YIPF3: variants seen among roughly 807,000 people sequenced by gnomAD.
YIPF3 encodes Yip1 domain family member 3.
YIPF3 carries 18 observed loss-of-function variants against 40.3 expected under a neutral mutation model. That is an observed-to-expected ratio of 0.45 (90% CI 0.31 to 0.66). The LOEUF is 0.66. Among genes scored for constraint, YIPF3 ranks in the 30% least tolerant of loss-of-function variants. The pLI is 0.07. For missense variants in YIPF3, 406 were observed against 452.2 expected (o/e 0.90, Z 0.93); for synonymous variants, 190 against 179.6 (o/e 1.06, Z -0.46).
At chr6:43,515,821 A>G in intron 2 of YIPF3, 68 bp downstream of exon 2, 4 of 1,593,408 alleles carry the variant, frequency 2.5e-6, no homozygotes, top group Non-Finnish European at 3.4e-6. Flanking sequence ...CATCACCAAC[A>G]CCAATTCCAG....
At chr6:43,512,614 G>A (rs1293869958) in intron 7 of YIPF3, 51 bp from the exon 8 acceptor site, 4 of 1,571,270 alleles carry the variant, frequency 2.5e-6, no homozygotes, top group African/African-American at 1.4e-5. Context: ...AGTGAGGAGT[G>A]GGGACAAGAC....
rs1489465307 is a variant in YIPF3, at chr6:43,512,871, A to C, written c.670T>G (p.Tyr224Asp). ...TMLQMLALLGYGLFGHCIVLF... is the reference protein window; with the variant it reads ...TMLQMLALLGDGLFGHCIVLF... ...ACAATGCAATGCCCAAAGAGGCCAT[A>C]GCCCTGGGAAGGAGGATGGTGGAGA... The change falls in exon 7 of 9, where the codon TAT (tyrosine) becomes GAT (aspartate). Residue 224 changes from tyrosine to aspartate, a missense_variant. Coordinates refer to ENST00000372422, the MANE Select transcript of YIPF3 (RefSeq NM_015388.4). 1.2e-6 allele frequency: 2 copies of C among 1,613,246 alleles called. No individual in the cohort carries two copies. Among genetic ancestry groups the C allele is most frequent in the African/African-American group, 2.7e-5 (2 of 74,910 alleles).
In YIPF3 at chr6:43,516,742, G is replaced by C. The variant is rs187374066; in HGVS notation, c.66C>G (p.Phe22Leu). The change falls in exon 1 of 9, where the codon TTC (phenylalanine) becomes TTG (leucine). Residue 22 changes from phenylalanine to leucine, a missense_variant. Physicochemically the swap from Phe to Leu is conservative, Grantham distance 22. Coordinates refer to ENST00000372422, the MANE Select transcript of YIPF3 (RefSeq NM_015388.4). ...RNGAGPEWGG[F>L]EENIQGGGSA... ...GGGCCATTACCTGGATGTTTTCTTC[G>C]AACCCTCCCCATTCCGGGCCAGCTC... 1.9e-6 allele frequency: 3 copies of C among 1,611,678 alleles called. No homozygotes were observed. The East Asian group carries it at 6.7e-5, about 36-fold the overall frequency.
At chr6:43,515,384 G>A in intron 3 of YIPF3, 2 of 661,080 alleles carry the variant, frequency 3.0e-6, no homozygotes, top group South Asian at 1.5e-5. Flanking sequence ...TCTGAGGTAG[G>A]TTTTGAGGGA....
At chr6:43,514,942 A>G (rs1792743418) in intron 3 of YIPF3, among the ~76,000 whole-genome samples, 1 of 152,132 alleles carries the variant, frequency 6.6e-6, no homozygotes, top group Non-Finnish European at 1.5e-5. Context: ...TTCCAGGAAT[A>G]AGAAAGGATA....
rs1164826034 is a variant in YIPF3, at chr6:43,516,709, G to A, written c.81+18C>T. On this transcript the variant is annotated intron_variant, in intron 1 of 8. Transcript: ENST00000372422. ...CCGGCCCTCCGGCTGCTGGCAGCTG[G>A]TGCCTTGGGGCCATTACCTGGATGT... 6.2e-7 allele frequency: 1 copy of A among 1,612,058 alleles called. No individual in the cohort carries two copies. The highest frequency in any genetic ancestry group is 8.5e-7 in the Non-Finnish European group (1 of 1,179,812).
At chr6:43,515,401 G>A in intron 3 of YIPF3, 194 bp downstream of exon 3, 1 of 682,556 alleles carries the variant, frequency 1.5e-6, no homozygotes, top group Non-Finnish European at 2.7e-6. Flanking sequence ...GGGAAGATGA[G>A]TAGTCAGTTA....
At chr6:43,515,491 T>C in intron 3 of YIPF3, 104 bp downstream of exon 3, 1 of 1,103,932 alleles carries the variant, frequency 9.1e-7, no homozygotes, top group Non-Finnish European at 1.4e-6. Context: ...GATGGGGTCA[T>C]GAAGACGGGG....
Position 43,515,955 on chromosome 6 carries a change from C to T in YIPF3, c.222G>A (p.Glu74=), listed in dbSNP as rs769138672. The T allele has an allele frequency of 1.1e-5, 18 of 1,613,846 alleles. No individual in the cohort carries two copies. The highest frequency in any genetic ancestry group is 1.4e-5 in the Non-Finnish European group (17 of 1,179,910). ...TCATGCCCAGGAACTCTCCATCCTCCTCTTCAGCAGCAGCTGCATCAGCTG... is the reference window on the plus strand; with the variant it reads ...TCATGCCCAGGAACTCTCCATCCTCTTCTTCAGCAGCAGCTGCATCAGCTG... ...ADAADAAAAE[E]EDGEFLGMKG... Residue 74 remains glutamate (E), a synonymous_variant, in exon 2 of 9, where the codon GAG becomes GAA. Transcript: ENST00000372422.
rs755564813 is a variant in YIPF3, at chr6:43,513,061, C to A, written c.666+8G>T. On this transcript the variant is annotated splice_region_variant and intron_variant, in intron 6 of 8. Coordinates refer to ENST00000372422, the MANE Select transcript of YIPF3 (RefSeq NM_015388.4). The stretch of plus-strand genomic sequence containing the variant: ...CATCACTCTTGCCCACCACACCTGG[C>A]TCCTTACCAGCAGTGCCAACATCTG... 6.2e-7 allele frequency: 1 copy of A among 1,613,894 alleles called. No individual in the cohort carries two copies. The highest frequency in any genetic ancestry group is 8.5e-7 in the Non-Finnish European group (1 of 1,179,988).
rs1792840332 is a variant in YIPF3, at chr6:43,516,568, G to T, written c.81+159C>A. Reference sequence around the variant, plus strand: ...CTGGAGTAGTAGTCTGGCCCTTTCAGGTCAATGTTAATCCCACTGACTTTA... The same window carrying T: ...CTGGAGTAGTAGTCTGGCCCTTTCATGTCAATGTTAATCCCACTGACTTTA... On this transcript the variant is annotated intron_variant, in intron 1 of 8. Coordinates refer to ENST00000372422, the MANE Select transcript of YIPF3 (RefSeq NM_015388.4). 29 of 854,150 alleles carry T rather than the reference G, an allele frequency of 3.4e-5. 1 individual carries two copies. In the South Asian group the frequency reaches 5.1e-4, roughly 15 times the overall value. The allele number at this position is 854,150 out of a possible 1,614,324, so 52.9% of individuals were successfully genotyped here. A position where few individuals can be genotyped will look rare whatever the true frequency, so the allele number is the denominator to read the frequency against.
At chr6:43,515,857 T>A (rs1446563108) in intron 2 of YIPF3, 32 bp downstream of exon 2, 1 of 1,583,780 alleles carries the variant, frequency 6.3e-7, no homozygotes, top group Non-Finnish European at 8.6e-7. Flanking sequence ...TAGGTCTACT[T>A]TTCTACCTGC....
chr6:43,516,911 G>T lies in YIPF3; in HGVS notation c.-104C>A. On this transcript the variant is annotated 5_prime_UTR_variant, in exon 1 of 9. Coordinates refer to ENST00000372422, the MANE Select transcript of YIPF3 (RefSeq NM_015388.4). ...AGACGTCCAGGGTCGAGGAGAGGTG[G>T]GATCGGCCGGAACACAAAAAGGAGA... 1 of 1,339,714 alleles carries T rather than the reference G, an allele frequency of 7.5e-7. No homozygotes were observed. The highest frequency in any genetic ancestry group is 1.0e-6 in the Non-Finnish European group (1 of 957,634). The allele number at this position is 1,339,714 out of a possible 1,614,324, so 83.0% of individuals were successfully genotyped here. A position where few individuals can be genotyped will look rare whatever the true frequency, so the allele number is the denominator to read the frequency against.
Position 43,511,950 on chromosome 6 carries a change from TCTG to T in YIPF3, c.*214_*216del, listed in dbSNP as rs748800143. On this transcript the variant is annotated 3_prime_UTR_variant, in exon 9 of 9. Transcript: ENST00000372422. ...GGTTCTCAAAGGAGCTGACCCATTT[TCTG>T]CATTGGCTGCAGAGCCTTGCAGTCC... 1 of 652,826 alleles carries T rather than the reference TCTG, an allele frequency of 1.5e-6. No homozygotes were observed. The highest frequency in any genetic ancestry group is 2.5e-6 in the Non-Finnish European group (1 of 403,284). The allele number at this position is 652,826 out of a possible 1,614,324, so 40.4% of individuals were successfully genotyped here. A position where few individuals can be genotyped will look rare whatever the true frequency, so the allele number is the denominator to read the frequency against.
chr6:43,516,365 C>G, intron 1 of YIPF3: 1 of 745,606 alleles, frequency 1.3e-6, no homozygotes, highest in East Asian at 2.8e-5. Flanking sequence ...TGAAAAAGTG[C>G]CCATTTCCTT....
At chr6:43,515,784 G>A (rs1233521273) in intron 2 of YIPF3, 83 bp from the exon 3 acceptor site, 12 of 1,600,580 alleles carry the variant, frequency 7.5e-6, no homozygotes, top group Non-Finnish European at 1.0e-5. Flanking sequence ...ATTTCTACAT[G>A]GTTCTAACTG....
At position 43,512,086 on chromosome 6, in the gene YIPF3, T is replaced by C. The variant is rs1028662698; in HGVS notation, c.*81A>G. On this transcript the variant is annotated 3_prime_UTR_variant, in exon 9 of 9. Transcript: ENST00000372422. ...AGCTGCAAACCCCATCTACGAAACA[T>C]GTCATCAGGACTGTCCTTTAATAGT... is the stretch of plus-strand genomic sequence containing the variant. 32 of 1,575,858 alleles carry C rather than the reference T, an allele frequency of 2.0e-5. 1 individual carries two copies. In the East Asian group the frequency reaches 3.4e-4, roughly 17 times the overall value.
At position 43,516,759 on chromosome 6, in the gene YIPF3, G is replaced by A. The variant is rs1792849864; in HGVS notation, c.49C>T (p.Pro17Ser). 1.2e-6 allele frequency: 2 copies of A among 1,601,804 alleles called. No homozygotes were observed. The highest frequency in any genetic ancestry group is 1.7e-6 in the Non-Finnish European group (2 of 1,174,750). The stretch of plus-strand genomic sequence containing the variant: ...TTTTCTTCGAACCCTCCCCATTCCG[G>A]GCCAGCTCCATTTCGGGCGCCGCCC... The part of the protein sequence containing the change: ...PAGGARNGAG[P>S]EWGGFEENIQ... The change falls in exon 1 of 9, where the codon CCG (proline) becomes TCG (serine). Residue 17 changes from proline to serine, a missense_variant. Pro to Ser is a moderately conservative substitution (Grantham distance 74, BLOSUM62 -1). Transcript: ENST00000372422.
Position 43,513,204 on chromosome 6 carries a change from T to C in YIPF3, c.535-4A>G. 1 of 1,614,126 alleles carries C rather than the reference T, an allele frequency of 6.2e-7. No homozygotes were observed. The highest frequency in any genetic ancestry group is 8.5e-7 in the Non-Finnish European group (1 of 1,180,014). The stretch of plus-strand genomic sequence containing the variant: ...TGCCCATCAGGGTGCCCTCCCGCTG[T>C]GGGGTGAAGGCTCTATTTAGTCCTA... On this transcript the variant is annotated splice_region_variant and splice_polypyrimidine_tract_variant and intron_variant, in intron 5 of 8. Transcript: ENST00000372422.
Sources: allele counts gnomAD v4.1 joint callset (sites outside exome capture counted in the v4.1 genomes callset), GRCh38; gene constraint gnomAD v4.1.1; transcripts MANE v1.5; gene names NCBI Gene and HGNC (gene_info 2026-07-23, HGNC 2026-07-21).